RIMS1: variants seen among roughly 807,000 people sequenced by gnomAD.
The protein encoded by RIMS1 is regulating synaptic membrane exocytosis 1, also known as regulating synaptic membrane exocytosis protein 1.
Under a neutral mutation model 214.1 loss-of-function variants are expected in RIMS1, and 83 were observed. The observed-to-expected ratio is 0.39, with a 90% CI of 0.32 to 0.47. The LOEUF (loss-of-function observed/expected upper bound fraction) is 0.47, where lower values mean the gene tolerates loss of function less well. RIMS1 is among the 20% of genes least tolerant of loss of function. The pLI is 0.99. For missense variants in RIMS1, 2,050 were observed against 2,161.8 expected (o/e 0.95, Z 1.03); for synonymous variants, 793 against 786.8 (o/e 1.01, Z -0.13).
intron 2 of RIMS1, among the ~76,000 whole-genome samples, chr6:72,060,126 A>AT (rs545247342): frequency 2.7e-3 from 411 of 151,112 alleles, no homozygotes; most frequent in Non-Finnish European, 3.1e-3. Flanking sequence ...TATTATTATT[A>AT]TTATTTATTT....
intron 1 of RIMS1, among the ~76,000 whole-genome samples, chr6:71,924,080 T>A (rs1165119576): frequency 6.6e-6 from 1 of 152,196 alleles, no homozygotes; most frequent in Non-Finnish European, 1.5e-5. Flanking sequence ...TGATTGTAGT[T>A]TTGTCTTATT....
intron 1 of RIMS1, among the ~76,000 whole-genome samples, chr6:71,898,597 C>A (rs1772602847): frequency 6.6e-6 from 1 of 152,098 alleles, no homozygotes; most frequent in Non-Finnish European, 1.5e-5. Context: ...CTGGTAAATT[C>A]TCAGCTCACC....
intron 6 of RIMS1, among the ~76,000 whole-genome samples, chr6:72,222,554 T>C (rs1307118467): frequency 1.3e-5 from 2 of 152,178 alleles, no homozygotes; most frequent in African/African-American, 2.4e-5. Context: ...GTTGCGTTGA[T>C]AAATAATGAC....
At chr6:72,194,695 A>T (rs2050595880) in intron 6 of RIMS1, among the ~76,000 whole-genome samples, 1 of 152,192 alleles carries the variant, frequency 6.6e-6, no homozygotes, top group Non-Finnish European at 1.5e-5. Flanking sequence ...CTGAAAGATA[A>T]CACAGCCTTT....
intron 31 of RIMS1, 41 bp from the exon 32 acceptor site, chr6:72,398,208 G>A: frequency 7.7e-7 from 1 of 1,302,662 alleles, no homozygotes; most frequent in Non-Finnish European, 1.1e-6. Flanking sequence ...GCACATAACT[G>A]CAAAGAAGCT....
intron 2 of RIMS1, among the ~76,000 whole-genome samples, chr6:72,054,150 T>C (rs990688762): frequency 6.6e-6 from 1 of 152,086 alleles, no homozygotes; most frequent in Non-Finnish European, 1.5e-5. Flanking sequence ...ATTGTTCATC[T>C]CCTACTTATG....
At chr6:71,891,915 A>G (rs74439771) in intron 1 of RIMS1, among the ~76,000 whole-genome samples, 3,042 of 152,314 alleles carry the variant, frequency 0.02, 47 homozygotes, top group Middle Eastern at 0.031. Context: ...CTAAAATCAT[A>G]TTATTATCCG....
At chr6:72,112,874 G>C (rs1047206726) in intron 4 of RIMS1, among the ~76,000 whole-genome samples, 2 of 152,146 alleles carry the variant, frequency 1.3e-5, no homozygotes, top group African/African-American at 4.8e-5. Context: ...TATTCTCAGT[G>C]CCAACAAACT....
intron 2 of RIMS1, among the ~76,000 whole-genome samples, chr6:72,079,061 G>GTT (rs1242283870): frequency 1.3e-5 from 2 of 152,114 alleles, no homozygotes; most frequent in Admixed American, 6.6e-5. Context: ...AGTTGGAGCT[G>GTT]TTTTTATTCC....
chr6:72,258,585 G>C (rs113160711), intron 17 of RIMS1, among the ~76,000 whole-genome samples: 1,699 of 152,222 alleles, frequency 0.011, 10 homozygotes, highest in Non-Finnish European at 0.017. Context: ...AATCAGAATT[G>C]TGGAGAGAAG....
chr6:72,225,098 C>T (rs2059789922), intron 6 of RIMS1, among the ~76,000 whole-genome samples: 2 of 144,140 alleles, frequency 1.4e-5, no homozygotes, highest in Non-Finnish European at 3.0e-5. Flanking sequence ...AAAACAAAGA[C>T]AAACAAACCA....
intron 4 of RIMS1, among the ~76,000 whole-genome samples, chr6:72,136,500 C>T (rs2041302377): frequency 6.6e-6 from 1 of 151,994 alleles, no homozygotes; most frequent in South Asian, 2.1e-4. Context: ...GTTAATTAAG[C>T]AATATATTCA....
At chr6:72,352,756 G>A (rs1186527020) in intron 29 of RIMS1, among the ~76,000 whole-genome samples, 2 of 151,988 alleles carry the variant, frequency 1.3e-5, no homozygotes, top group Non-Finnish European at 2.9e-5. Context: ...TGTTCTAGAA[G>A]CATCACACAT....
rs75387106 is a variant in RIMS1 at position 72,285,794 on chromosome 6, T to C, written c.3554+1676T>C. On this transcript the variant is annotated intron_variant, in intron 24 of 33. Transcript: ENST00000521978. Reference sequence around the variant, plus strand: ...TAGATAAATTTTCAATCTTCAACCATCATTTTCAGCCCCCTCTACACAATT... The same window carrying C: ...TAGATAAATTTTCAATCTTCAACCACCATTTTCAGCCCCCTCTACACAATT... Among the ~76,000 whole-genome samples the C allele has an allele frequency of 8.1e-3, 1,227 of 152,330 alleles. 19 individuals are homozygous for C. Among genetic ancestry groups the C allele is most frequent in the African/African-American group, 0.029 (1,192 of 41,586 alleles).
intron 2 of RIMS1, among the ~76,000 whole-genome samples, chr6:72,010,219 A>G (rs930382225): frequency 1.3e-5 from 2 of 152,194 alleles, no homozygotes; most frequent in South Asian, 4.1e-4. Context: ...ACAGAAGCGA[A>G]GAAAAAAAAC....
intron 1 of RIMS1, among the ~76,000 whole-genome samples, chr6:71,960,114 T>G (rs1416053530): frequency 6.6e-6 from 1 of 152,186 alleles, no homozygotes; most frequent in African/African-American, 2.4e-5. Flanking sequence ...TGAATTTATT[T>G]TTTAAGTTAA....
chr6:72,295,652 G>C (rs2093990669), intron 26 of RIMS1, among the ~76,000 whole-genome samples: 1 of 151,608 alleles, frequency 6.6e-6, no homozygotes, highest in Non-Finnish European at 1.5e-5. Context: ...TAAAAGGAAA[G>C]AAAAAATAAT....
chr6:72,326,093 C>A (rs1159406494), intron 28 of RIMS1, among the ~76,000 whole-genome samples: 1 of 151,764 alleles, frequency 6.6e-6, no homozygotes, highest in Non-Finnish European at 1.5e-5. Flanking sequence ...TCATTGTGAA[C>A]TTATATGCAT....
At chr6:72,326,291 AAAG>A (rs2096461792) in intron 28 of RIMS1, among the ~76,000 whole-genome samples, 1 of 151,736 alleles carries the variant, frequency 6.6e-6, no homozygotes, top group African/African-American at 2.4e-5. Context: ...TTGCTTTCTG[AAAG>A]AAGGTGTTTT....
Sources: gnomAD v4.1 joint callset for allele counts (sites outside exome capture counted in the v4.1 genomes callset) on GRCh38, gnomAD v4.1.1 for gene constraint, MANE v1.5 for transcripts, NCBI Gene and HGNC (gene_info 2026-07-23, HGNC 2026-07-21) for gene names.